Variants in CCDC88A observed in about 807,000 individuals in gnomAD.
The protein encoded by CCDC88A is coiled-coil and HOOK domain protein 88A, also known as girdin.
Under a neutral mutation model 234.3 loss-of-function variants are expected in CCDC88A, and 54 were observed. That is an observed-to-expected ratio of 0.23 (90% CI 0.19 to 0.29). The LOEUF (loss-of-function observed/expected upper bound fraction) is 0.29. CCDC88A is among the 10% of genes least tolerant of loss of function. The pLI is 1.00. For missense variants in CCDC88A, 1,832 were observed against 2,123.4 expected (o/e 0.86, Z 2.70); for synonymous variants, 753 against 737.8 (o/e 1.02, Z -0.33).
At chr2:55,316,886 C>T (rs1683052188) in intron 21 of CCDC88A, 2 of 153,278 alleles carry the variant, frequency 1.3e-5, no homozygotes. Context: ...CAGGTGCACG[C>T]CACCAAGCCT....
At chr2:55,385,875 A>C (rs1190554472) in intron 3 of CCDC88A, among the ~76,000 whole-genome samples, 3 of 150,120 alleles carry the variant, frequency 2.0e-5, no homozygotes, top group Non-Finnish European at 4.4e-5. Flanking sequence ...AAAAAAAAAA[A>C]AAAAAAGACA....
chr2:55,336,817 A>G lies in CCDC88A; in HGVS notation c.1520T>C (p.Val507Ala). Reference sequence around the variant, plus strand: ...AACAATCTCATTTTCAAGAATCTCAACCTAGAGAAAATTAAATCACAAAAC... The same window carrying G: ...AACAATCTCATTTTCAAGAATCTCAGCCTAGAGAAAATTAAATCACAAAAC... ...EKENQRLSKKVEILENEIVQE... is the reference protein window; with the variant it reads ...EKENQRLSKKAEILENEIVQE... Residue 507 changes from valine (V) to alanine (A), a missense_variant and splice_region_variant, in exon 14 of 33, where the codon GTT becomes GCT. Val to Ala is a moderately conservative substitution (Grantham distance 64). Coordinates refer to ENST00000436346, the MANE Select transcript of CCDC88A (RefSeq NM_001365480.1). The G allele has an allele frequency of 1.9e-6, 3 of 1,558,896 alleles. No homozygotes were observed. Among genetic ancestry groups the G allele is most frequent in the South Asian group, 1.2e-5 (1 of 84,698 alleles).
intron 3 of CCDC88A, among the ~76,000 whole-genome samples, chr2:55,377,900 C>T (rs1008804696): frequency 1.3e-4 from 20 of 152,120 alleles, no homozygotes; most frequent in Non-Finnish European, 2.1e-4. Flanking sequence ...GCCACCGCAC[C>T]GGGCCGGGAA....
intron 8 of CCDC88A, 60 bp downstream of exon 8, chr2:55,355,518 AT>A: frequency 7.2e-7 from 1 of 1,380,252 alleles, no homozygotes; most frequent in Non-Finnish European, 1.0e-6. Context: ...GCTTAAAAAT[AT>A]TGTTTAGGTC....
chr2:55,291,613 C>A, intron 32 of CCDC88A, 63 bp downstream of exon 32: 3 of 679,608 alleles, frequency 4.4e-6, no homozygotes, highest in Non-Finnish European at 7.6e-6. Flanking sequence ...TTGTTTCACA[C>A]TTAATTTGGT....
At chr2:55,411,656 T>C (rs1680499252) in intron 2 of CCDC88A, among the ~76,000 whole-genome samples, 1 of 151,628 alleles carries the variant, frequency 6.6e-6, no homozygotes, top group African/African-American at 2.4e-5. Flanking sequence ...GTGGGCACCT[T>C]GTAATCCCAA....
rs769136272 is a variant in CCDC88A, at chr2:55,362,301, T to C, written c.627+7A>G. On this transcript the variant is annotated splice_region_variant and intron_variant, in intron 7 of 32. Transcript: ENST00000436346. The stretch of plus-strand genomic sequence containing the variant: ...CTTTCACAATATACTGAAAGAATTT[T>C]ACAAACCTCTGAATGTTCATCTCTC... 2 of 1,557,566 alleles carry C rather than the reference T, an allele frequency of 1.3e-6. No homozygotes were observed. The highest frequency in any genetic ancestry group is 2.4e-5 in the East Asian group (1 of 42,208).
intron 29 of CCDC88A, chr2:55,297,231 CAA>C (rs1403303318): frequency 7.9e-6 from 1 of 125,876 alleles, no homozygotes; most frequent in Non-Finnish European, 1.6e-5. Flanking sequence ...CATGATTAGA[CAA>C]AATATATATA....
At chr2:55,355,082 T>G (rs1018057099) in intron 8 of CCDC88A, among the ~76,000 whole-genome samples, 1 of 151,550 alleles carries the variant, frequency 6.6e-6, no homozygotes, top group Non-Finnish European at 1.5e-5. Context: ...GGCACATGAC[T>G]GTATTTACCT....
chr2:55,367,528 G>GTT, intron 5 of CCDC88A, among the ~76,000 whole-genome samples: 1 of 99,890 alleles, frequency 1.0e-5, no homozygotes, highest in Non-Finnish European at 2.0e-5. Context: ...TTATTTCCTT[G>GTT]TTTTTTTTTA....
chr2:55,394,603 G>A (rs1012496825), intron 2 of CCDC88A: 8 of 137,044 alleles, frequency 5.8e-5, no homozygotes, highest in African/African-American at 1.7e-4. Flanking sequence ...GTTGTTTCTT[G>A]ACTTTGAGAA....
At chr2:55,386,793 AAAAC>A (rs760019464) in intron 3 of CCDC88A, among the ~76,000 whole-genome samples, 6 of 152,032 alleles carry the variant, frequency 3.9e-5, no homozygotes, top group African/African-American at 4.8e-5. Context: ...TTTAAAAACT[AAAAC>A]AAACAAAGAA....
At position 55,296,234 on chromosome 2, in the gene CCDC88A, A is replaced by G. The variant is rs763191855; in HGVS notation, c.5091+24T>C. ...TTAACTTGTGGTGTTCATCTAAATT[A>G]AGGTCATCATAGATAAAACTAACCT... On this transcript the variant is annotated intron_variant, in intron 30 of 32. Transcript: ENST00000436346. The G allele has an allele frequency of 2.5e-6, 4 of 1,597,834 alleles. No homozygotes were observed. The South Asian group carries it at 4.5e-5, about 18-fold the overall frequency.
chr2:55,372,110 T>TAC (rs935618857), intron 5 of CCDC88A, among the ~76,000 whole-genome samples: 1 of 152,182 alleles, frequency 6.6e-6, no homozygotes, highest in African/African-American at 2.4e-5. Context: ...TCCTGAAACA[T>TAC]ACACGAGTAC....
Position 55,291,726 on chromosome 2 carries a change from C to T in CCDC88A, c.5601G>A (p.Glu1867=), listed in dbSNP as rs1191463423. 5.6e-6 allele frequency: 9 copies of T among 1,610,048 alleles called. No homozygotes were observed. In the African/African-American group the frequency reaches 6.7e-5, roughly 12 times the overall value. The change falls in exon 32 of 33, where the codon GAG becomes GAA. Residue 1867 remains glutamate, a synonymous_variant. Coordinates refer to ENST00000436346, the MANE Select transcript of CCDC88A (RefSeq NM_001365480.1). ...ESRNSKSRSR[E]QQSS ...GGTAATAGAATTAGGAGCTTTGTTG[C>T]TCCCTAGACCTGCTTTTTGAATTTC...
chr2:55,419,052 G>A lies in CCDC88A; in HGVS notation c.28C>T (p.Leu10=). The A allele has an allele frequency of 1.2e-6, 2 of 1,613,206 alleles. No individual in the cohort carries two copies. Among genetic ancestry groups the A allele is most frequent in the Non-Finnish European group, 1.7e-6 (2 of 1,179,240 alleles). The change falls in exon 1 of 33, where the codon CTG becomes TTG. Residue 10 remains leucine (L), a synonymous_variant. Coordinates refer to ENST00000436346, the MANE Select transcript of CCDC88A (RefSeq NM_001365480.1). MENEIFTPL[L]EQFMTSPLVT... is the part of the protein sequence containing the mutation. ...AAAGGGCTGGTCATGAACTGCTCCA[G>A]AAGGGGAGTAAAAATTTCGTTCTCC...
rs1685077891 is a variant in CCDC88A, at chr2:55,332,841, G to A, written c.2728-148C>T. ...TAAACCATTCCTTCATTATTAAAAT[G>A]TAGTTAAAGTTATAACCTAGTTGAA... On this transcript the variant is annotated intron_variant, in intron 15 of 32. Transcript: ENST00000436346. This position sits in a 1 kb window ranked among gnomAD's most constrained non-coding sequence, Gnocchi z 4.5. The A allele has an allele frequency of 1.1e-5, 8 of 723,712 alleles. No homozygotes were observed. Among genetic ancestry groups the A allele is most frequent in the South Asian group, 2.1e-5 (1 of 46,586 alleles). The allele number at this position is 723,712 out of a possible 1,614,324, so 44.8% of individuals were successfully genotyped here.
intron 3 of CCDC88A, among the ~76,000 whole-genome samples, chr2:55,378,068 GACTT>G (rs1158576511): frequency 2.0e-5 from 3 of 152,154 alleles, no homozygotes; most frequent in Non-Finnish European, 4.4e-5. Context: ...TAGTTTTACT[GACTT>G]ACTATGTAAC....
At chr2:55,321,562 C>CA (rs1363755889) in intron 18 of CCDC88A, among the ~76,000 whole-genome samples, 5 of 151,470 alleles carry the variant, frequency 3.3e-5, no homozygotes. Flanking sequence ...AAAAAAAAAC[C>CA]AAAAAAACCT....
Sources: gnomAD v4.1 joint callset for allele counts (sites outside exome capture counted in the v4.1 genomes callset) on GRCh38, gnomAD v4.1.1 for gene constraint, Gnocchi (gnomAD v3.1) non-coding constraint, MANE v1.5 for transcripts, NCBI Gene and HGNC (gene_info 2026-07-23, HGNC 2026-07-21) for gene names.